Variants in LOXL1 observed in about 807,000 individuals in gnomAD.
LOXL1 encodes the protein lysyl oxidase like 1.
In LOXL1, 31 loss-of-function variants were observed where a neutral mutation model predicts 62.2. The observed-to-expected ratio is 0.50, with a 90% CI of 0.37 to 0.67. LOXL1 has a LOEUF of 0.67. LOXL1 is among the 30% of genes least tolerant of loss of function. The pLI, the probability that LOXL1 is intolerant of heterozygous loss-of-function variation, is 0.00. For missense variants in LOXL1, 775 were observed against 843.4 expected (o/e 0.92, Z 1.00); for synonymous variants, 403 against 384.4 (o/e 1.05, Z -0.56).
At chr15:73,942,818 C>G in intron 1 of LOXL1, 36 bp from the exon 2 acceptor site, 3 of 1,291,546 alleles carry the variant, frequency 2.3e-6, no homozygotes, top group Non-Finnish European at 3.4e-6. Context: ...TCATGCTCTT[C>G]CTCCCTCCCC....
intron 4 of LOXL1, 164 bp from the exon 5 acceptor site, chr15:73,947,643 A>T: frequency 1.8e-6 from 1 of 562,434 alleles, no homozygotes; most frequent in Non-Finnish European, 3.2e-6. Flanking sequence ...TGGTCCATCT[A>T]GCCAGTGGCT....
intron 1 of LOXL1, among the ~76,000 whole-genome samples, chr15:73,933,840 G>A (rs61358476): frequency 1.3e-5 from 2 of 152,400 alleles, no homozygotes; most frequent in East Asian, 3.9e-4. Context: ...TTGGGATGCT[G>A]GAAAGAGAGG....
rs1477531622 is a variant in LOXL1, at chr15:73,945,719, T to C, written c.1212-698T>C. On this transcript the variant is annotated intron_variant, in intron 2 of 6. Coordinates refer to ENST00000261921, the MANE Select transcript of LOXL1 (RefSeq NM_005576.4). This position sits in a 1 kb window ranked among gnomAD's most constrained non-coding sequence, Gnocchi z 4.3. Reference sequence around the variant, plus strand: ...GAATCTCCTGGATAGGACTTTTTTTTTTCTTTTTTTTAGAAAGGGGGTCTC... The same window carrying C: ...GAATCTCCTGGATAGGACTTTTTTTCTTCTTTTTTTTAGAAAGGGGGTCTC... 6.6e-6 allele frequency among the ~76,000 whole-genome samples: 1 copy of C among 152,024 alleles called. No individual in the cohort carries two copies. The highest frequency in any genetic ancestry group is 1.9e-4 in the East Asian group (1 of 5,200).
At chr15:73,944,394 G>T (rs908976903) in intron 2 of LOXL1, among the ~76,000 whole-genome samples, 1 of 152,214 alleles carries the variant, frequency 6.6e-6, no homozygotes, top group African/African-American at 2.4e-5. Context: ...GGTACAGCTG[G>T]AGAGAACAGC....
In LOXL1 at chr15:73,927,163, A is replaced by G. The variant is rs1253998578; in HGVS notation, c.380A>G (p.Asn127Ser). 1.3e-6 allele frequency: 2 copies of G among 1,532,496 alleles called. No individual in the cohort carries two copies. Among genetic ancestry groups the G allele is most frequent in the Non-Finnish European group, 1.8e-6 (2 of 1,140,254 alleles). 94.9% of individuals were successfully genotyped at this position (1,532,496 alleles called of 1,614,324 possible). A position where few individuals can be genotyped will look rare whatever the true frequency, so the allele number is the denominator to read the frequency against. Residue 127 changes from asparagine to serine, a missense_variant, in exon 1 of 7, where the codon AAC (asparagine) becomes AGC (serine). Transcript: ENST00000261921. ...TTCGGCTTTGGCCAGGTGCCCGACA[A>G]CTGGCGCGAGGTGGCCGTCGGGGAC... ...HPFGFGQVPD[N>S]WREVAVGDST...
At chr15:73,939,923 G>A (rs1251909636) in intron 1 of LOXL1, among the ~76,000 whole-genome samples, 1 of 152,100 alleles carries the variant, frequency 6.6e-6, no homozygotes, top group Non-Finnish European at 1.5e-5. Context: ...ATGTGCCTTG[G>A]TGTCTTGGGG....
In LOXL1 at chr15:73,946,395, ATCT is replaced by A; in HGVS notation, c.1212-21_1212-19del. The A allele has an allele frequency of 1.7e-5, 23 of 1,322,940 alleles. No homozygotes were observed. Among genetic ancestry groups the A allele is most frequent in the African/African-American group, 3.1e-5 (2 of 64,552 alleles). 82.0% of individuals were successfully genotyped at this position (1,322,940 alleles called of 1,614,324 possible). The stretch of plus-strand genomic sequence containing the variant: ...TGTCACTGTGCCCCAACCCCCCCTC[ATCT>A]CCCCCGCCGTCCCTGCAGCACAGCC... On this transcript the variant is annotated intron_variant, in intron 2 of 6. Coordinates refer to ENST00000261921, the MANE Select transcript of LOXL1 (RefSeq NM_005576.4).
chr15:73,930,226 G>A lies in LOXL1; in HGVS notation c.1102+2341G>A, dbSNP rs566260999. Among the ~76,000 whole-genome samples, 1 of 152,300 alleles carries A rather than the reference G, an allele frequency of 6.6e-6. No homozygotes were observed. Among genetic ancestry groups the A allele is most frequent in the South Asian group, 2.1e-4 (1 of 4,830 alleles). The stretch of plus-strand genomic sequence containing the variant: ...CAGGGGCTTTGTGAGCCCAGAGGAG[G>A]GCCCTCCCTGTCAGGGGCTAGGGCT... On this transcript the variant is annotated intron_variant, in intron 1 of 6. Coordinates refer to ENST00000261921, the MANE Select transcript of LOXL1 (RefSeq NM_005576.4). This position sits in a 1 kb window ranked among gnomAD's most constrained non-coding sequence, Gnocchi z 4.7.
chr15:73,945,066 C>T lies in LOXL1; in HGVS notation c.1212-1351C>T, dbSNP rs1324895186. Among the ~76,000 whole-genome samples the T allele has an allele frequency of 6.6e-6, 1 of 152,196 alleles. No individual in the cohort carries two copies. The highest frequency in any genetic ancestry group is 2.4e-5 in the African/African-American group (1 of 41,448). ...CTTCAGCCACCCCTTCCTGTTCCTA[C>T]CACACATGTGTGTGCATGTGTGTGT... On this transcript the variant is annotated intron_variant, in intron 2 of 6. Transcript: ENST00000261921. The surrounding 1 kb of genome is among the most constrained non-coding windows in gnomAD (Gnocchi z 4.3).
intron 1 of LOXL1, among the ~76,000 whole-genome samples, chr15:73,934,665 G>A (rs1411415781): frequency 2.0e-5 from 3 of 152,224 alleles, no homozygotes; most frequent in African/African-American, 7.2e-5. Context: ...GCTGGGCACC[G>A]TTCTAGAGCT....
chr15:73,926,967 G>T lies in LOXL1; in HGVS notation c.184G>T (p.Val62Leu), dbSNP rs368210432. Residue 62 changes from valine to leucine, a missense_variant, in exon 1 of 7, where the codon GTG becomes TTG. Transcript: ENST00000261921. ...YSLLNSGSEY[V>L]PAGPQRSESS... The stretch of plus-strand genomic sequence containing the variant: ...CTTGCTCAACTCGGGCTCAGAGTAC[G>T]TGCCGGCCGGACCTCAGCGCTCCGA... 1.0e-4 allele frequency: 159 copies of T among 1,533,750 alleles called. No individual in the cohort carries two copies. The highest frequency in any genetic ancestry group is 1.4e-4 in the Non-Finnish European group (156 of 1,139,810).
Position 73,927,827 on chromosome 15 carries a change from C to A in LOXL1, c.1044C>A (p.Gly348=). ...DTPPPGGERN[G]AQQGRLSVGS... is the part of the protein sequence containing the mutation. Reference sequence around the variant, plus strand: ...CCCCGCCGGGTGGGGAGCGGAACGGCGCGCAGCAGGGCCGCCTCAGCGTGG... The same window carrying A: ...CCCCGCCGGGTGGGGAGCGGAACGGAGCGCAGCAGGGCCGCCTCAGCGTGG... The change falls in exon 1 of 7, where the codon GGC becomes GGA. Residue 348 remains glycine, a synonymous_variant. Coordinates refer to ENST00000261921, the MANE Select transcript of LOXL1 (RefSeq NM_005576.4). 1 of 1,356,438 alleles carries A rather than the reference C, an allele frequency of 7.4e-7. No individual in the cohort carries two copies. Among genetic ancestry groups the A allele is most frequent in the Non-Finnish European group, 9.4e-7 (1 of 1,063,350 alleles). The allele number at this position is 1,356,438 out of a possible 1,614,324, so 84.0% of individuals were successfully genotyped here.
In LOXL1 at chr15:73,946,574, G is replaced by T; in HGVS notation, c.1349+20G>T. On this transcript the variant is annotated intron_variant, in intron 3 of 6. Coordinates refer to ENST00000261921, the MANE Select transcript of LOXL1 (RefSeq NM_005576.4). ...CCACCAGTGAGTGGGGAGGGGCTGG[G>T]CCCGTCCTCTTCCACTTCTCCTCTG... 6.3e-7 allele frequency: 1 copy of T among 1,589,558 alleles called. No homozygotes were observed. Among genetic ancestry groups the T allele is most frequent in the Non-Finnish European group, 8.6e-7 (1 of 1,167,764 alleles).
At chr15:73,943,309 G>A (rs2068727559) in intron 2 of LOXL1, among the ~76,000 whole-genome samples, 1 of 152,222 alleles carries the variant, frequency 6.6e-6, no homozygotes, top group South Asian at 2.1e-4. Context: ...TTTTGGATCT[G>A]AGCTGTTTAA....
At chr15:73,929,987 C>T (rs1029240061) in intron 1 of LOXL1, among the ~76,000 whole-genome samples, 2 of 152,186 alleles carry the variant, frequency 1.3e-5, no homozygotes, top group Non-Finnish European at 2.9e-5. Flanking sequence ...AGGGCAAGGC[C>T]ATGTCTGAAG....
intron 1 of LOXL1, among the ~76,000 whole-genome samples, chr15:73,928,664 AG>A (rs144884597): frequency 0.083 from 12,466 of 150,276 alleles, 664 homozygotes; most frequent in Middle Eastern, 0.14. Context: ...AAATAGAGTC[AG>A]TAATAGTGGT....
At chr15:73,937,239 G>T (rs1240429357) in intron 1 of LOXL1, among the ~76,000 whole-genome samples, 1 of 152,246 alleles carries the variant, frequency 6.6e-6, no homozygotes. Context: ...AAGAGTCAGT[G>T]TGACAGGTTC....
In LOXL1 at chr15:73,951,914, G is replaced by A. The variant is rs899582776; in HGVS notation, c.*77G>A. The A allele has an allele frequency of 5.0e-5, 68 of 1,349,740 alleles. 3 individuals carry two copies. In the Admixed American group the frequency reaches 1.7e-3, roughly 33 times the overall value. 83.6% of individuals were successfully genotyped at this position (1,349,740 alleles called of 1,614,324 possible). A position where few individuals can be genotyped will look rare whatever the true frequency, so the allele number is the denominator to read the frequency against. On this transcript the variant is annotated 3_prime_UTR_variant, in exon 7 of 7. Transcript: ENST00000261921. ...TCCCCGGGCAGCCTCCCGCCGAGGGGCCCAGCCCCCAACCCACAGGCACGG... is the reference window on the plus strand; with the variant it reads ...TCCCCGGGCAGCCTCCCGCCGAGGGACCCAGCCCCCAACCCACAGGCACGG...
At chr15:73,950,999 GT>G (rs1426870430) in intron 6 of LOXL1, among the ~76,000 whole-genome samples, 2 of 152,224 alleles carry the variant, frequency 1.3e-5, no homozygotes, top group Admixed American at 6.5e-5. Context: ...GCAGGCCTGG[GT>G]TTCCAGCACA....
Sources: gnomAD v4.1 joint callset for allele counts (sites outside exome capture counted in the v4.1 genomes callset) on GRCh38, gnomAD v4.1.1 for gene constraint, Gnocchi (gnomAD v3.1) non-coding constraint, MANE v1.5 for transcripts, NCBI Gene and HGNC (gene_info 2026-07-23, HGNC 2026-07-21) for gene names.